The following LRMDA variants were observed in gnomAD, a reference collection of about 807,000 sequenced individuals.
LRMDA encodes leucine-rich melanocyte differentiation-associated protein.
In LRMDA, 18 loss-of-function variants were observed where a neutral mutation model predicts 29.8. The ratio of observed to expected loss-of-function variants is 0.60; its 90% CI spans 0.42 to 0.90. LRMDA has a LOEUF of 0.90. LRMDA is among the 40% of genes least tolerant of loss of function. LRMDA has a pLI of 0.00. For synonymous variants in LRMDA, 125 were observed against 109.4 expected, an observed-to-expected ratio of 1.14 and a Z score of -0.89; for missense variants, 273 against 273.9, an observed-to-expected ratio of 1.00 and a Z score of 0.02.
chr10:76,347,685 C>G (rs1374388377), intron 6 of LRMDA, among the ~76,000 whole-genome samples: 1 of 152,062 alleles, frequency 6.6e-6, no homozygotes, highest in African/African-American at 2.4e-5. Context: ...TTATAAAACC[C>G]AAGGAACCTT....
intron 5 of LRMDA, among the ~76,000 whole-genome samples, chr10:76,132,389 AG>A (rs2132137809): frequency 6.6e-6 from 1 of 152,272 alleles, no homozygotes; most frequent in African/African-American, 2.4e-5. Context: ...ATTTCCTTGT[AG>A]AAAATGAAAT....
At chr10:76,146,544 G>A (rs2395341) in intron 5 of LRMDA, among the ~76,000 whole-genome samples, 24,523 of 151,848 alleles carry the variant, frequency 0.16, 2,227 homozygotes, top group Admixed American at 0.24. Context: ...CATTTGCTTG[G>A]TAGATCTTCC....
chr10:75,607,302 T>G (rs1461362704), intron 2 of LRMDA, among the ~76,000 whole-genome samples: 1 of 152,222 alleles, frequency 6.6e-6, no homozygotes, highest in East Asian at 1.9e-4. Flanking sequence ...AAGTAAATGC[T>G]TGTTAAAATT....
intron 2 of LRMDA, among the ~76,000 whole-genome samples, chr10:75,611,821 G>A (rs528886520): frequency 3.5e-4 from 54 of 152,298 alleles, no homozygotes; most frequent in South Asian, 6.2e-4. Context: ...TTGGCCAAAT[G>A]CCGTCAGCTA....
At chr10:75,729,056 A>T (rs750053298) in intron 2 of LRMDA, among the ~76,000 whole-genome samples, 6 of 152,146 alleles carry the variant, frequency 3.9e-5, no homozygotes, top group Non-Finnish European at 7.3e-5. Flanking sequence ...TGATTTCCCC[A>T]TTAAGTCTCA....
At chr10:76,150,860 C>T (rs527606735) in intron 5 of LRMDA, among the ~76,000 whole-genome samples, 11 of 152,296 alleles carry the variant, frequency 7.2e-5, no homozygotes, top group African/African-American at 2.2e-4. Flanking sequence ...TTTAGATAAG[C>T]GCCAAATGCT....
intron 2 of LRMDA, among the ~76,000 whole-genome samples, chr10:75,804,664 G>A (rs754808069): frequency 1.3e-5 from 2 of 152,220 alleles, no homozygotes; most frequent in Non-Finnish European, 2.9e-5. Context: ...CCATTCCGAG[G>A]CCTGGGCCGT....
At chr10:75,448,536 T>C (rs561460256) in intron 2 of LRMDA, among the ~76,000 whole-genome samples, 1 of 152,330 alleles carries the variant, frequency 6.6e-6, no homozygotes, top group East Asian at 1.9e-4. Flanking sequence ...CTTCAAGTTC[T>C]CAACCAGGAA....
chr10:75,672,517 TTTCTTTTCCTCCCCTCCCCTC>T lies in LRMDA; in HGVS notation c.131+234024_131+234044del, dbSNP rs1564536199. ...CTAAGACACTTCCTTGTATTTTTCT[TTTCTTTTCCTCCCCTCCCCTC>T]CCCTCCCCTCCCCTCCCCTCCCCTC... On this transcript the variant is annotated intron_variant, in intron 2 of 6. Coordinates refer to ENST00000611255, the MANE Select transcript of LRMDA (RefSeq NM_001305581.2). Among the ~76,000 whole-genome samples, 133 of 36,684 alleles carry T rather than the reference TTTCTTTTCCTCCCCTCCCCTC, an allele frequency of 3.6e-3. 10 individuals carry two copies. The highest frequency in any genetic ancestry group is 0.021 in the East Asian group (13 of 628). 24.1% of individuals were successfully genotyped at this position (36,684 alleles called of 152,430 possible). A position where few individuals can be genotyped will look rare whatever the true frequency, so the allele number is the denominator to read the frequency against.
chr10:76,364,278 A>G (rs770480133), intron 6 of LRMDA, among the ~76,000 whole-genome samples: 1 of 152,184 alleles, frequency 6.6e-6, no homozygotes, highest in Non-Finnish European at 1.5e-5. Context: ...CTCACAGCTT[A>G]AGTGAGATTT....
At chr10:75,491,691 A>AGG (rs1181749304) in intron 2 of LRMDA, among the ~76,000 whole-genome samples, 2 of 152,056 alleles carry the variant, frequency 1.3e-5, no homozygotes, top group Non-Finnish European at 2.9e-5. Context: ...TCTTTCGCCT[A>AGG]GGGGATAAGA....
Position 75,582,234 on chromosome 10 carries a change from C to A in LRMDA, c.131+143740C>A, listed in dbSNP as rs140728593. ...TGTGGGGGCTCCAACTTCACATATC[C>A]CCTTTGCACTGCCCTAGTAGAGGTT... On this transcript the variant is annotated intron_variant, in intron 2 of 6. Transcript: ENST00000611255. Among the ~76,000 whole-genome samples, 10 of 152,328 alleles carry A rather than the reference C, an allele frequency of 6.6e-5. No individual in the cohort carries two copies. In the East Asian group the frequency reaches 1.9e-3, roughly 29 times the overall value.
At chr10:76,505,901 G>A (rs763688485) in intron 6 of LRMDA, among the ~76,000 whole-genome samples, 1 of 152,134 alleles carries the variant, frequency 6.6e-6, no homozygotes, top group Non-Finnish European at 1.5e-5. Flanking sequence ...TGTTTCTTTA[G>A]CTGTAGCATA....
At chr10:76,237,649 G>T (rs1429295186) in intron 5 of LRMDA, among the ~76,000 whole-genome samples, 2 of 152,174 alleles carry the variant, frequency 1.3e-5, no homozygotes, top group African/African-American at 4.8e-5. Flanking sequence ...CCAGCCCTGA[G>T]ATCAGTTGTT....
intron 2 of LRMDA, among the ~76,000 whole-genome samples, chr10:75,867,457 A>C (rs1309026668): frequency 6.6e-6 from 1 of 152,188 alleles, no homozygotes. Flanking sequence ...CACCGCACCC[A>C]GCCATGATAC....
chr10:76,507,377 T>G (rs1842969677), intron 6 of LRMDA, among the ~76,000 whole-genome samples: 2 of 152,088 alleles, frequency 1.3e-5, no homozygotes, highest in South Asian at 2.1e-4. Context: ...TTTGCACATA[T>G]TTTCTCCTAT....
At chr10:76,153,689 T>G (rs1237735411) in intron 5 of LRMDA, among the ~76,000 whole-genome samples, 2 of 152,112 alleles carry the variant, frequency 1.3e-5, no homozygotes, top group Non-Finnish European at 2.9e-5. Flanking sequence ...AATCTAAGAG[T>G]TTAAATCACA....
chr10:75,551,625 T>C (rs536428751), intron 2 of LRMDA, among the ~76,000 whole-genome samples: 24 of 152,212 alleles, frequency 1.6e-4, no homozygotes, highest in South Asian at 4.1e-4. Context: ...AGAATGATGG[T>C]TTCCAGCGTC....
intron 6 of LRMDA, among the ~76,000 whole-genome samples, chr10:76,419,745 G>C (rs1842054058): frequency 6.6e-6 from 1 of 151,854 alleles, no homozygotes; most frequent in Non-Finnish European, 1.5e-5. Context: ...TGTCTGTTCA[G>C]GTCTTTTATC....
Sources: allele counts gnomAD v4.1 joint callset (sites outside exome capture counted in the v4.1 genomes callset), GRCh38; gene constraint gnomAD v4.1.1; transcripts MANE v1.5; gene names NCBI Gene and HGNC (gene_info 2026-07-23, HGNC 2026-07-21).